C12orf42: variants seen among roughly 807,000 people sequenced by gnomAD.
The protein encoded by C12orf42 is uncharacterized protein C12orf42.
C12orf42 carries 25 observed loss-of-function variants against 21.6 expected under a neutral mutation model. The ratio of observed to expected loss-of-function variants is 1.16; its 90% CI spans 0.84 to 1.62. C12orf42 has a LOEUF of 1.62. C12orf42 is among the 40% of genes most tolerant of loss of function. The pLI, the probability that C12orf42 is intolerant of heterozygous loss-of-function variation, is 0.00. For synonymous variants in C12orf42, 174 were observed against 175.0 expected, an observed-to-expected ratio of 0.99 and a Z score of 0.05; for missense variants, 483 against 459.3, an observed-to-expected ratio of 1.05 and a Z score of -0.47.
the C12orf42 span, among the ~76,000 whole-genome samples, chr12:103,514,525 T>C: frequency 1.3e-5 from 2 of 151,914 alleles, no homozygotes; most frequent in Non-Finnish European, 2.9e-5. Context: ...GGAAGGAGTA[T>C]GGGAGACAAA....
chr12:103,093,153 G>A, the C12orf42 span, among the ~76,000 whole-genome samples: 1 of 152,180 alleles, frequency 6.6e-6, no homozygotes, highest in African/African-American at 2.4e-5. Flanking sequence ...CAAGGCTGCT[G>A]CAGTCATTCA....
At chr12:103,298,598 A>G (rs917874717), downstream of C12orf42, among the ~76,000 whole-genome samples, 2 of 152,196 alleles carry the variant, frequency 1.3e-5, no homozygotes, top group African/African-American at 4.8e-5. Flanking sequence ...AGAATTGGAA[A>G]AAACTACCAT....
At chr12:103,449,366 A>C (rs570453270) in intron 2 of C12orf42, among the ~76,000 whole-genome samples, 13 of 151,870 alleles carry the variant, frequency 8.6e-5, no homozygotes, top group Non-Finnish European at 1.3e-4. Context: ...GTGAGGGATA[A>C]AAGACTACAC....
chr12:103,530,363 T>C, the C12orf42 span, among the ~76,000 whole-genome samples: 2 of 152,212 alleles, frequency 1.3e-5, no homozygotes, highest in Non-Finnish European at 2.9e-5. Flanking sequence ...CAAGGCGTGC[T>C]GGAGACTTTG....
intron 4 of C12orf42, among the ~76,000 whole-genome samples, chr12:103,295,455 G>T (rs1175518337): frequency 1.3e-5 from 2 of 151,694 alleles, no homozygotes; most frequent in African/African-American, 4.9e-5. Context: ...ATAAGACATT[G>T]TACTGTAATC....
Position 103,493,246 on chromosome 12 carries a change from C to T in C12orf42, c.-22+2656G>A, listed in dbSNP as rs371855918. Among the ~76,000 whole-genome samples, 7 of 152,286 alleles carry T rather than the reference C, an allele frequency of 4.6e-5. No individual in the cohort carries two copies. In the East Asian group the frequency reaches 5.8e-4, roughly 13 times the overall value. ...ATTTTCCCACATCTGATACAGCTTTCGACGATCTGATTCTGGCTAATCTCT... is the reference window on the plus strand; with the variant it reads ...ATTTTCCCACATCTGATACAGCTTTTGACGATCTGATTCTGGCTAATCTCT... On this transcript the variant is annotated intron_variant, in intron 1 of 5. Coordinates refer to ENST00000548883, the MANE Select transcript of C12orf42 (RefSeq NM_198521.5).
At chr12:103,468,624 C>A (rs373272652) in intron 2 of C12orf42, among the ~76,000 whole-genome samples, 2 of 152,130 alleles carry the variant, frequency 1.3e-5, no homozygotes, top group East Asian at 3.9e-4. Context: ...CAGGAGGCAG[C>A]GACTTTAGAA....
the C12orf42 span, among the ~76,000 whole-genome samples, chr12:103,215,263 AATG>A: frequency 1.3e-5 from 2 of 152,074 alleles, no homozygotes; most frequent in South Asian, 2.1e-4. Flanking sequence ...TACTAATAAT[AATG>A]ATTATACCAA....
At chr12:103,511,307 C>T in the C12orf42 span, among the ~76,000 whole-genome samples, 2 of 151,098 alleles carry the variant, frequency 1.3e-5, no homozygotes, top group South Asian at 2.1e-4. Flanking sequence ...TAAAAGAGAA[C>T]AAAAACAAAT....
intron 2 of C12orf42, among the ~76,000 whole-genome samples, chr12:103,435,013 T>G (rs1950573832): frequency 6.6e-6 from 1 of 152,110 alleles, no homozygotes; most frequent in Admixed American, 6.5e-5. Flanking sequence ...CTGACAGCTT[T>G]GAAGAGAGCA....
the C12orf42 span, among the ~76,000 whole-genome samples, chr12:103,527,394 C>T: frequency 2.0e-5 from 3 of 152,008 alleles, no homozygotes; most frequent in South Asian, 2.1e-4. Context: ...GGCGGTGGGG[C>T]CTAATGGAAG....
intron 4 of C12orf42, among the ~76,000 whole-genome samples, chr12:103,287,471 C>T (rs557580869): frequency 4.1e-4 from 63 of 151,862 alleles, no homozygotes; most frequent in African/African-American, 1.4e-3. Context: ...AACCAAACAC[C>T]GCATGTTCTC....
chr12:103,124,661 G>A, the C12orf42 span, among the ~76,000 whole-genome samples: 2 of 152,166 alleles, frequency 1.3e-5, no homozygotes, highest in African/African-American at 4.8e-5. Flanking sequence ...AGGTTGAGAA[G>A]GACAGAGAGG....
At chr12:103,305,926 G>A in intron 5 of C12orf42, 48 bp downstream of exon 5, 2 of 1,547,268 alleles carry the variant, frequency 1.3e-6, no homozygotes, top group East Asian at 2.3e-5. Flanking sequence ...AAAACAAAAT[G>A]TGACCAGTTG....
the C12orf42 span, among the ~76,000 whole-genome samples, chr12:103,220,751 A>T: frequency 6.6e-6 from 1 of 152,142 alleles, no homozygotes; most frequent in African/African-American, 2.4e-5. Flanking sequence ...CAGTGGTGAC[A>T]ACTGCCAGTC....
At chr12:103,535,993 C>T in the C12orf42 span, among the ~76,000 whole-genome samples, 1 of 152,140 alleles carries the variant, frequency 6.6e-6, no homozygotes, top group African/African-American at 2.4e-5. Flanking sequence ...GTTGCCCAAG[C>T]TGGTCTTGAA....
intron 2 of C12orf42, among the ~76,000 whole-genome samples, chr12:103,466,658 T>G (rs1193246641): frequency 1.3e-5 from 2 of 152,198 alleles, no homozygotes; most frequent in Non-Finnish European, 2.9e-5. Flanking sequence ...TTACCCCATG[T>G]GGTACACTGA....
chr12:103,384,023 C>T (rs2888729), intron 3 of C12orf42, among the ~76,000 whole-genome samples: 99,835 of 151,986 alleles, frequency 0.66, 33,130 homozygotes, highest in Admixed American at 0.74. Context: ...TACAGGGATG[C>T]AGTGGGTAGA....
At chr12:103,378,381 C>G (rs1473169844) in intron 3 of C12orf42, among the ~76,000 whole-genome samples, 3 of 152,112 alleles carry the variant, frequency 2.0e-5, no homozygotes, top group Admixed American at 1.3e-4. Flanking sequence ...AAAAGGCACC[C>G]TCCCAATTCT....
Sources: allele counts gnomAD v4.1 joint callset (sites outside exome capture counted in the v4.1 genomes callset), GRCh38; gene constraint gnomAD v4.1.1; transcripts MANE v1.5; gene names NCBI Gene and HGNC (gene_info 2026-07-23, HGNC 2026-07-21).